PAIP1: variants seen among roughly 807,000 people sequenced by gnomAD.
The protein encoded by PAIP1 is poly(A) binding protein interacting protein 1.
A neutral mutation model predicts 61.3 loss-of-function variants in PAIP1; 16 were observed. The ratio of observed to expected loss-of-function variants is 0.26; its 90% CI spans 0.18 to 0.40. The LOEUF is 0.40. Among genes scored for constraint, PAIP1 ranks in the 10% least tolerant of loss-of-function variants. PAIP1 has a pLI of 1.00. For missense variants in PAIP1, 416 were observed against 600.9 expected (o/e 0.69, Z 3.22); for synonymous variants, 187 against 226.2 (o/e 0.83, Z 1.56).
chr5:43,549,801 C>T (rs923479951), intron 2 of PAIP1, among the ~76,000 whole-genome samples: 1 of 152,116 alleles, frequency 6.6e-6, no homozygotes, highest in Non-Finnish European at 1.5e-5. Flanking sequence ...CTCACTGCAA[C>T]CTCTGCCTCC....
Position 43,556,868 on chromosome 5 carries a change from C to T in PAIP1, c.-22G>A. 7.2e-7 allele frequency: 1 copy of T among 1,393,958 alleles called. No individual in the cohort carries two copies. Among genetic ancestry groups the T allele is most frequent in the Non-Finnish European group, 9.3e-7 (1 of 1,078,358 alleles). 86.3% of individuals were successfully genotyped at this position (1,393,958 alleles called of 1,614,324 possible). A position where few individuals can be genotyped will look rare whatever the true frequency, so the allele number is the denominator to read the frequency against. On this transcript the variant is annotated 5_prime_UTR_variant, in exon 1 of 11. Coordinates refer to ENST00000306846, the MANE Select transcript of PAIP1 (RefSeq NM_006451.5). ...ACATGCTCCTCCTCCTCCGCCTCCT[C>T]CTCCAGGGGCCGCTGCCGCTGCGCT...
At chr5:43,546,349 G>T (rs1747634830) in intron 3 of PAIP1, among the ~76,000 whole-genome samples, 1 of 152,192 alleles carries the variant, frequency 6.6e-6, no homozygotes, top group African/African-American at 2.4e-5. Context: ...AAGGCAACAA[G>T]AAATAAATAC....
intron 2 of PAIP1, among the ~76,000 whole-genome samples, chr5:43,552,413 G>C (rs1466843497): frequency 1.3e-5 from 2 of 152,154 alleles, no homozygotes; most frequent in Non-Finnish European, 2.9e-5. Context: ...AGAGTTCAAA[G>C]GAATAATTAG....
At chr5:43,557,327 G>C (rs1231024935), upstream of PAIP1, 1 of 153,114 alleles carries the variant, frequency 6.5e-6, no homozygotes, top group Non-Finnish European at 1.5e-5. Flanking sequence ...TGAGGGGTGA[G>C]GGGGACGCTT....
rs1748123826 is a variant in PAIP1, at chr5:43,556,944, C to T, written c.-98G>A. 2.3e-6 allele frequency: 3 copies of T among 1,281,890 alleles called. No individual in the cohort carries two copies. The highest frequency in any genetic ancestry group is 3.0e-6 in the Non-Finnish European group (3 of 1,014,368). 79.4% of individuals were successfully genotyped at this position (1,281,890 alleles called of 1,614,324 possible). On this transcript the variant is annotated 5_prime_UTR_variant, in exon 1 of 11. Transcript: ENST00000306846. ...CCGCGGGTCGGCTATAGCCGCCGCG[C>T]CTCACTCGGGCCTCATGGAGGAGGA... is the stretch of plus-strand genomic sequence containing the variant.
chr5:43,552,455 T>C (rs563221785), intron 2 of PAIP1, among the ~76,000 whole-genome samples: 6 of 152,230 alleles, frequency 3.9e-5, no homozygotes, highest in South Asian at 4.2e-4. Flanking sequence ...AAATAAGTGA[T>C]AGATTCTATG....
At chr5:43,527,585 C>T in intron 10 of PAIP1, 116 bp from the exon 11 acceptor site, 1 of 805,150 alleles carries the variant, frequency 1.2e-6, no homozygotes, top group Non-Finnish European at 1.8e-6. Context: ...TAATAGAACA[C>T]AAGCCTAACT....
intron 1 of PAIP1, 178 bp downstream of exon 1, chr5:43,556,404 G>A: frequency 1.6e-6 from 2 of 1,229,418 alleles, no homozygotes; most frequent in African/African-American, 1.6e-5. Flanking sequence ...GATTCCAGCA[G>A]ACACCTTCCA....
intron 9 of PAIP1, among the ~76,000 whole-genome samples, chr5:43,532,802 G>T (rs1442333951): frequency 6.6e-6 from 1 of 152,156 alleles, no homozygotes; most frequent in Non-Finnish European, 1.5e-5. Context: ...TGAACAAAGA[G>T]TATTAGCAGG....
At chr5:43,538,897 G>A (rs1747275838) in intron 5 of PAIP1, 27 bp downstream of exon 5, 1 of 1,144,656 alleles carries the variant, frequency 8.7e-7, no homozygotes, top group Admixed American at 1.7e-5. Flanking sequence ...GGCCTTGTTA[G>A]TACTTAACAA....
In PAIP1 at chr5:43,554,053, T is replaced by C. The variant is rs942183217; in HGVS notation, c.435+1777A>G. Reference sequence around the variant, plus strand: ...CCAGGCTGCAATCTGTTTTGGTAAATTGAGCACAGGAGGTGCTGATCTATT... The same window carrying C: ...CCAGGCTGCAATCTGTTTTGGTAAACTGAGCACAGGAGGTGCTGATCTATT... On this transcript the variant is annotated intron_variant, in intron 2 of 10. Coordinates refer to ENST00000306846, the MANE Select transcript of PAIP1 (RefSeq NM_006451.5). Among the ~76,000 whole-genome samples the C allele has an allele frequency of 2.6e-5, 4 of 152,184 alleles. No homozygotes were observed. The East Asian group carries it at 5.8e-4, about 22-fold the overall frequency.
chr5:43,542,533 CAAAAAAA>C (rs35220672), intron 4 of PAIP1, among the ~76,000 whole-genome samples: 1 of 62,142 alleles, frequency 1.6e-5, no homozygotes, highest in Non-Finnish European at 3.6e-5. Context: ...GACTCCATCT[CAAAAAAA>C]AAAAAAAAAA....
At chr5:43,529,966 G>C (rs1275921939) in intron 9 of PAIP1, 87 bp from the exon 10 acceptor site, 4 of 710,632 alleles carry the variant, frequency 5.6e-6, no homozygotes, top group Non-Finnish European at 1.0e-5. Flanking sequence ...TTAATATTAT[G>C]ACTTTTGCCC....
At chr5:43,532,670 G>T (rs1746986617) in intron 9 of PAIP1, among the ~76,000 whole-genome samples, 1 of 152,108 alleles carries the variant, frequency 6.6e-6, no homozygotes, top group South Asian at 2.1e-4. Flanking sequence ...TAAACAAAAT[G>T]CAAAGACAGG....
intron 7 of PAIP1, 101 bp from the exon 8 acceptor site, chr5:43,535,071 G>A: frequency 1.4e-6 from 1 of 698,584 alleles, no homozygotes; most frequent in African/African-American, 1.8e-5. Flanking sequence ...AATTTAACAG[G>A]TACATCTGAT....
At chr5:43,547,512 T>C (rs149514422) in intron 3 of PAIP1, among the ~76,000 whole-genome samples, 1 of 152,204 alleles carries the variant, frequency 6.6e-6, no homozygotes, top group Non-Finnish European at 1.5e-5. Context: ...ATATTGAATC[T>C]TGACTACACA....
At chr5:43,538,875 C>G in intron 5 of PAIP1, 49 bp downstream of exon 5, 2 of 900,270 alleles carry the variant, frequency 2.2e-6, no homozygotes, top group South Asian at 2.7e-5. Flanking sequence ...TTGAGATCAA[C>G]TTATGTTCTC....
intron 2 of PAIP1, among the ~76,000 whole-genome samples, chr5:43,548,854 T>C (rs950340901): frequency 6.6e-6 from 1 of 152,032 alleles, no homozygotes; most frequent in African/African-American, 2.4e-5. Context: ...TGTGAAGGGG[T>C]TAAGTTCTAA....
intron 10 of PAIP1, 26 bp downstream of exon 10, chr5:43,529,760 G>A (rs777506712): frequency 5.5e-5 from 63 of 1,150,340 alleles, no homozygotes; most frequent in Non-Finnish European, 7.6e-5. Flanking sequence ...GAAATTTCAC[G>A]AAGTTAGTAA....
Sources: gnomAD v4.1 joint callset for allele counts (sites outside exome capture counted in the v4.1 genomes callset) on GRCh38, gnomAD v4.1.1 for gene constraint, MANE v1.5 for transcripts, NCBI Gene and HGNC (gene_info 2026-07-23, HGNC 2026-07-21) for gene names.